Variants in CLYBL observed in about 807,000 individuals in gnomAD.
CLYBL encodes citramalyl-CoA lyase, mitochondrial.
In CLYBL, 31 loss-of-function variants were observed where a neutral mutation model predicts 38.9. The ratio of observed to expected loss-of-function variants is 0.80; its 90% CI spans 0.60 to 1.08. The LOEUF (loss-of-function observed/expected upper bound fraction) is 1.08, where lower values mean the gene tolerates loss of function less well. Among genes scored for constraint, CLYBL ranks in the 50% least tolerant of loss-of-function variants. The pLI, the probability that CLYBL is intolerant of heterozygous loss-of-function variation, is 0.00. For missense variants in CLYBL, 434 were observed against 411.6 expected, an observed-to-expected ratio of 1.05 and a Z score of -0.47; for synonymous variants, 171 against 158.6, an observed-to-expected ratio of 1.08 and a Z score of -0.59.
intron 1 of CLYBL, among the ~76,000 whole-genome samples, chr13:99,658,459 C>A (rs903995945): frequency 1.3e-5 from 2 of 152,206 alleles, no homozygotes; most frequent in African/African-American, 4.8e-5. Context: ...CATCGCGAAA[C>A]CCCGAGGCTG....
At chr13:99,683,913 G>C (rs1313227143) in intron 1 of CLYBL, among the ~76,000 whole-genome samples, 1 of 148,600 alleles carries the variant, frequency 6.7e-6, no homozygotes, top group Middle Eastern at 3.2e-3. Flanking sequence ...CTGTCACCCA[G>C]GCTGGAGAGC....
chr13:99,866,255 A>G lies in CLYBL; in HGVS notation c.650A>G (p.Lys217Arg). The G allele has an allele frequency of 2.5e-6, 4 of 1,613,822 alleles. No individual in the cohort carries two copies. The African/African-American group carries it at 5.3e-5, about 22-fold the overall frequency. ...CCATTTTCAGGTGCAACAAGTAGTA[A>G]AGAAACCCTGGATATTCTCTACGCC... Reference protein sequence around the residue: ...FRASIGATSSKETLDILYARQ... With the variant: ...FRASIGATSSRETLDILYARQ... Residue 217 changes from lysine (K) to arginine (R), a missense_variant, in exon 6 of 9, where the codon AAA (lysine) becomes AGA (arginine). Lys to Arg is a conservative substitution (Grantham distance 26). Coordinates refer to ENST00000339105, the MANE Select transcript of CLYBL (RefSeq NM_206808.5).
chr13:99,862,918 C>T, intron 3 of CLYBL, 73 bp from the exon 4 acceptor site: 2 of 682,100 alleles, frequency 2.9e-6, no homozygotes, highest in East Asian at 2.9e-5. Context: ...GACTTAAATA[C>T]TACTTCTGGG....
intron 2 of CLYBL, among the ~76,000 whole-genome samples, chr13:99,840,686 G>T (rs1423253504): frequency 1.4e-5 from 2 of 140,508 alleles, no homozygotes; most frequent in Non-Finnish European, 3.0e-5. Flanking sequence ...GGAGGTCAAG[G>T]CTGCAGTGAG....
intron 1 of CLYBL, among the ~76,000 whole-genome samples, chr13:99,634,946 A>G (rs1017257758): frequency 3.3e-5 from 5 of 152,234 alleles, no homozygotes; most frequent in African/African-American, 1.2e-4. Context: ...GTCCCTGCTC[A>G]TTCCCGGAGC....
downstream of CLYBL, among the ~76,000 whole-genome samples, chr13:99,898,717 C>T (rs892020647): frequency 6.6e-6 from 1 of 152,220 alleles, no homozygotes; most frequent in Non-Finnish European, 1.5e-5. Flanking sequence ...ACCCAACAAA[C>T]GCCAAAGCAT....
chr13:99,776,355 G>A (rs1221628330), intron 2 of CLYBL, among the ~76,000 whole-genome samples: 1 of 151,160 alleles, frequency 6.6e-6, no homozygotes, highest in African/African-American at 2.4e-5. Context: ...AATCAGCCAG[G>A]AGTGGTGGCA....
At chr13:99,660,142 T>G (rs2139328909) in intron 1 of CLYBL, among the ~76,000 whole-genome samples, 1 of 152,288 alleles carries the variant, frequency 6.6e-6, no homozygotes, top group Non-Finnish European at 1.5e-5. Context: ...TCCAGCTTGT[T>G]TTAAATGATG....
intron 7 of CLYBL, among the ~76,000 whole-genome samples, chr13:99,875,168 C>T (rs888487836): frequency 1.1e-4 from 17 of 152,128 alleles, no homozygotes; most frequent in Non-Finnish European, 2.4e-4. Flanking sequence ...GTTCAATTAA[C>T]AATTACAAAT....
At chr13:99,734,792 A>T (rs1009356824) in intron 1 of CLYBL, among the ~76,000 whole-genome samples, 1 of 152,190 alleles carries the variant, frequency 6.6e-6, no homozygotes, top group African/African-American at 2.4e-5. Context: ...GATAGGGAAC[A>T]TTACCTTTGA....
At chr13:99,873,433 T>C (rs183579716) in intron 7 of CLYBL, among the ~76,000 whole-genome samples, 1 of 152,338 alleles carries the variant, frequency 6.6e-6, no homozygotes, top group East Asian at 1.9e-4. Flanking sequence ...AGATATTTTG[T>C]CCAAAGCACA....
intron 2 of CLYBL, among the ~76,000 whole-genome samples, chr13:99,781,409 A>G (rs1263004966): frequency 1.3e-5 from 2 of 151,672 alleles, no homozygotes; most frequent in Non-Finnish European, 2.9e-5. Context: ...TGACCTCGTG[A>G]TCTGCCCGCC....
intron 1 of CLYBL, among the ~76,000 whole-genome samples, chr13:99,697,399 CA>C (rs2047995933): frequency 6.6e-6 from 1 of 152,164 alleles, no homozygotes; most frequent in African/African-American, 2.4e-5. Context: ...ACTTTTGAGA[CA>C]AGGTCGCTGT....
intron 8 of CLYBL, among the ~76,000 whole-genome samples, chr13:99,904,047 A>T (rs1456319805): frequency 6.7e-6 from 1 of 149,624 alleles, no homozygotes; most frequent in Non-Finnish European, 1.5e-5. Context: ...CCCTCTCTTA[A>T]AAAAAAAAAC....
chr13:99,885,884 G>A lies in CLYBL; in HGVS notation c.928-5434G>A, dbSNP rs138824869. On this transcript the variant is annotated intron_variant, in intron 7 of 8. Transcript: ENST00000339105. ...TTGACCTCGTAGGTAAGGAGGAGCCGTATCCCAGGAGGCCACAGCTGGGCT... is the reference window on the plus strand; with the variant it reads ...TTGACCTCGTAGGTAAGGAGGAGCCATATCCCAGGAGGCCACAGCTGGGCT... Among the ~76,000 whole-genome samples, 164 of 152,240 alleles carry A rather than the reference G, an allele frequency of 1.1e-3. 1 individual carries two copies. Among genetic ancestry groups the A allele is most frequent in the African/African-American group, 3.8e-3 (157 of 41,540 alleles).
intron 2 of CLYBL, among the ~76,000 whole-genome samples, chr13:99,844,282 CCT>C (rs2051149906): frequency 6.6e-6 from 1 of 152,208 alleles, no homozygotes; most frequent in African/African-American, 2.4e-5. Context: ...AGTCTCCTAA[CCT>C]CTCTGTTCTT....
chr13:99,799,377 T>TCACACACACACACACACA (rs142411916), intron 2 of CLYBL, among the ~76,000 whole-genome samples: 4,284 of 150,264 alleles, frequency 0.029, 116 homozygotes, highest in African/African-American at 0.062. Context: ...ATACACACAT[T>TCACACACACACACACACA]CACACACACA....
At chr13:99,767,496 A>T (rs537377307) in intron 1 of CLYBL, among the ~76,000 whole-genome samples, 6 of 152,318 alleles carry the variant, frequency 3.9e-5, no homozygotes, top group Non-Finnish European at 7.3e-5. Flanking sequence ...GTCTTTCACC[A>T]AATTTGGAGA....
intron 2 of CLYBL, among the ~76,000 whole-genome samples, chr13:99,843,604 C>CTTTTTTTT (rs60365803): frequency 1.1e-3 from 164 of 142,848 alleles, no homozygotes; most frequent in African/African-American, 3.6e-3. Flanking sequence ...AAAAATTAAT[C>CTTTTTTTT]TTTTTTTTTT....
Sources: allele counts gnomAD v4.1 joint callset (sites outside exome capture counted in the v4.1 genomes callset), GRCh38; gene constraint gnomAD v4.1.1; transcripts MANE v1.5; gene names NCBI Gene and HGNC (gene_info 2026-07-23, HGNC 2026-07-21).